Variants in CADPS observed in about 807,000 individuals in gnomAD.
CADPS encodes calcium-dependent secretion activator 1.
A neutral mutation model predicts 167.3 loss-of-function variants in CADPS; 57 were observed. The observed-to-expected ratio is 0.34, with a 90% CI of 0.28 to 0.42. The LOEUF is 0.42. Ranked by LOEUF, CADPS falls within the 20% of genes least tolerant of loss-of-function variation. The pLI, the probability that CADPS is intolerant of heterozygous loss-of-function variation, is 1.00. For synonymous variants in CADPS, 676 were observed against 635.3 expected, an observed-to-expected ratio of 1.06 and a Z score of -0.96; for missense variants, 1,414 against 1,738.1, an observed-to-expected ratio of 0.81 and a Z score of 3.32.
At chr3:62,680,992 C>A (rs907861957) in intron 3 of CADPS, among the ~76,000 whole-genome samples, 2 of 152,012 alleles carry the variant, frequency 1.3e-5, no homozygotes, top group African/African-American at 2.4e-5. Context: ...AGCCTCCACT[C>A]CCGCCATGTT....
At chr3:62,758,721 C>T (rs1170901333) in intron 2 of CADPS, among the ~76,000 whole-genome samples, 2 of 152,186 alleles carry the variant, frequency 1.3e-5, no homozygotes, top group Non-Finnish European at 1.5e-5. Flanking sequence ...CTGCCAACTT[C>T]CAGACAGGTC....
Position 62,813,880 on chromosome 3 carries a change from C to A in CADPS, c.442-47896G>T, listed in dbSNP as rs540875554. On this transcript the variant is annotated intron_variant, in intron 1 of 29. Coordinates refer to ENST00000383710, the MANE Select transcript of CADPS (RefSeq NM_003716.4). ...GTGCTTTATTTACTACCAAATCTCA[C>A]ATGTTTGCCTTGTTTCCAACACAGA... Among the ~76,000 whole-genome samples the A allele has an allele frequency of 5.3e-5, 8 of 152,194 alleles. No homozygotes were observed. In the South Asian group the frequency reaches 1.2e-3, roughly 24 times the overall value.
intron 17 of CADPS, among the ~76,000 whole-genome samples, chr3:62,504,720 AC>A (rs2066342541): frequency 6.6e-6 from 1 of 152,144 alleles, no homozygotes; most frequent in Non-Finnish European, 1.5e-5. Context: ...AACTTCATTT[AC>A]CCAATTACCA....
Position 62,753,448 on chromosome 3 carries a change from G to T in CADPS, c.881C>A (p.Ala294Asp), listed in dbSNP as rs1364106735. The T allele has an allele frequency of 6.2e-7, 1 of 1,607,140 alleles. No homozygotes were observed. Among genetic ancestry groups the T allele is most frequent in the Non-Finnish European group, 8.5e-7 (1 of 1,174,792 alleles). Residue 294 changes from alanine (A) to aspartate (D), a missense_variant, in exon 3 of 30, where the codon GCC (alanine) becomes GAC (aspartate). Physicochemically the swap from Ala to Asp is moderately radical, Grantham distance 126 (BLOSUM62 -2). Around this residue, in one of 6 missense-constraint regions of CADPS, gnomAD observed 522 missense variants for 559.5 expected, o/e 0.93. Coordinates refer to ENST00000383710, the MANE Select transcript of CADPS (RefSeq NM_003716.4). This position sits in a 1 kb window ranked among gnomAD's most constrained non-coding sequence, Gnocchi z 4.6. ...KKFEHQLLYN[A>D]CQLDNPDEQA... The stretch of plus-strand genomic sequence containing the variant: ...AGGCGAGAAACACCTTACCTGGCAG[G>T]CATTGTAAAGGAGCTGATGTTCGAA...
intron 1 of CADPS, among the ~76,000 whole-genome samples, chr3:62,769,523 T>A (rs915246862): frequency 6.6e-6 from 1 of 152,162 alleles, no homozygotes; most frequent in African/African-American, 2.4e-5. Context: ...TGAACCACTG[T>A]GGCCACCCTA....
chr3:62,773,864 TAA>T (rs1237611790), intron 1 of CADPS, among the ~76,000 whole-genome samples: 1 of 152,174 alleles, frequency 6.6e-6, no homozygotes, highest in Non-Finnish European at 1.5e-5. Context: ...TTACTACTTT[TAA>T]AAAATGAGGT....
Position 62,562,561 on chromosome 3 carries a change from C to T in CADPS, c.1645-5048G>A, listed in dbSNP as rs1455041500. 2.0e-5 allele frequency among the ~76,000 whole-genome samples: 3 copies of T among 152,276 alleles called. No homozygotes were observed. In the South Asian group the frequency reaches 6.2e-4, roughly 32 times the overall value. On this transcript the variant is annotated intron_variant, in intron 9 of 29. Transcript: ENST00000383710. Reference sequence around the variant, plus strand: ...TGTTGCCCAGGCTAGTCTCAGACTCCTAGCCTCAGGTGATCGTCCCAGCTC... The same window carrying T: ...TGTTGCCCAGGCTAGTCTCAGACTCTTAGCCTCAGGTGATCGTCCCAGCTC...
chr3:62,606,937 C>T (rs1162611659), intron 6 of CADPS, among the ~76,000 whole-genome samples: 3 of 152,240 alleles, frequency 2.0e-5, no homozygotes, highest in Admixed American at 6.5e-5. Context: ...CTGAGCCTGG[C>T]ATGGATCAGC....
intron 12 of CADPS, among the ~76,000 whole-genome samples, chr3:62,534,713 A>C (rs1259465423): frequency 6.6e-6 from 1 of 152,160 alleles, no homozygotes; most frequent in African/African-American, 2.4e-5. Context: ...TCCAAAACTA[A>C]CTGAAAAAAA....
intron 28 of CADPS, among the ~76,000 whole-genome samples, chr3:62,414,953 C>T (rs2049732152): frequency 1.3e-5 from 2 of 152,064 alleles, no homozygotes; most frequent in African/African-American, 2.4e-5. Flanking sequence ...AATAGATATC[C>T]CAGCTCCAAG....
At position 62,874,467 on chromosome 3, in the gene CADPS, C is replaced by G. The variant is rs1438830387; in HGVS notation, c.441+122G>C. The G allele has an allele frequency of 5.4e-6, 4 of 741,322 alleles. No homozygotes were observed. Among genetic ancestry groups the G allele is most frequent in the Admixed American group, 5.0e-5 (2 of 39,610 alleles). 45.9% of individuals were successfully genotyped at this position (741,322 alleles called of 1,614,324 possible). A position where few individuals can be genotyped will look rare whatever the true frequency, so the allele number is the denominator to read the frequency against. ...GGGAGGGGGCCTCGTAGCCCTTTCC[C>G]CAGGGCGCGGTCTCCACCTCTCCTG... On this transcript the variant is annotated intron_variant, in intron 1 of 29. Coordinates refer to ENST00000383710, the MANE Select transcript of CADPS (RefSeq NM_003716.4). This position sits in a 1 kb window ranked among gnomAD's most constrained non-coding sequence, Gnocchi z 7.1.
At chr3:62,599,895 T>G (rs1175765761) in intron 6 of CADPS, among the ~76,000 whole-genome samples, 1 of 69,928 alleles carries the variant, frequency 1.4e-5, no homozygotes, top group Non-Finnish European at 2.8e-5. Context: ...ATATATTATA[T>G]ATACCATATT....
chr3:62,470,376 C>T (rs1021268469), intron 24 of CADPS, among the ~76,000 whole-genome samples: 2 of 152,196 alleles, frequency 1.3e-5, no homozygotes, highest in Non-Finnish European at 2.9e-5. Flanking sequence ...TACATAAAAA[C>T]ATTGGACTTT....
intron 6 of CADPS, 80 bp from the exon 7 acceptor site, chr3:62,592,828 T>C: frequency 9.6e-7 from 1 of 1,038,246 alleles, no homozygotes; most frequent in African/African-American, 1.6e-5. Flanking sequence ...CCAGGTCAGG[T>C]GAATGCAGGG....
intron 6 of CADPS, among the ~76,000 whole-genome samples, chr3:62,610,468 G>A (rs2061356149): frequency 6.6e-6 from 1 of 152,152 alleles, no homozygotes; most frequent in Non-Finnish European, 1.5e-5. Context: ...CCAGGCTGGT[G>A]TTGAACTCCT....
intron 1 of CADPS, among the ~76,000 whole-genome samples, chr3:62,822,137 C>G (rs1327815001): frequency 6.6e-6 from 1 of 151,398 alleles, no homozygotes; most frequent in Non-Finnish European, 1.5e-5. Flanking sequence ...TAGATTAGGA[C>G]AACTGAGATA....
At chr3:62,418,487 ATTTT>A (rs5849477) in intron 28 of CADPS, among the ~76,000 whole-genome samples, 3 of 88,866 alleles carry the variant, frequency 3.4e-5, no homozygotes, top group African/African-American at 9.2e-5. Context: ...ACCATGCCCT[ATTTT>A]TTTTTTTTTT....
chr3:62,847,872 TG>T (rs2077784057), intron 1 of CADPS, among the ~76,000 whole-genome samples: 1 of 31,664 alleles, frequency 3.2e-5, no homozygotes. Context: ...CCACAATGGT[TG>T]AACTAGTTTA....
At chr3:62,668,753 T>C (rs2074961533) in intron 3 of CADPS, among the ~76,000 whole-genome samples, 1 of 152,104 alleles carries the variant, frequency 6.6e-6, no homozygotes, top group Admixed American at 6.5e-5. Context: ...CCTACTTACG[T>C]AGGTGCTACT....
Sources: gnomAD v4.1 joint callset for allele counts (sites outside exome capture counted in the v4.1 genomes callset) on GRCh38, gnomAD v4.1.1 for gene constraint, gnomAD v4.1.1 regional missense constraint, Gnocchi (gnomAD v3.1) non-coding constraint, MANE v1.5 for transcripts, NCBI Gene and HGNC (gene_info 2026-07-23, HGNC 2026-07-21) for gene names.